Variants in MACF1 observed in about 807,000 individuals in gnomAD.
MACF1 encodes microtubule actin crosslinking factor 1.
Under a neutral mutation model 854.8 loss-of-function variants are expected in MACF1, and 193 were observed. That is an observed-to-expected ratio of 0.23 (90% CI 0.20 to 0.25). The LOEUF (loss-of-function observed/expected upper bound fraction) is 0.25. Among genes scored for constraint, MACF1 ranks in the 10% least tolerant of loss-of-function variants. The pLI, the probability that MACF1 is intolerant of heterozygous loss-of-function variation, is 1.00. For synonymous variants in MACF1, 3,185 were observed against 3,226.7 expected, an observed-to-expected ratio of 0.99 and a Z score of 0.44; for missense variants, 7,722 against 8,929.1, an observed-to-expected ratio of 0.86 and a Z score of 5.45.
At chr1:39,399,127 C>A (rs2148589376) in intron 58 of MACF1, among the ~76,000 whole-genome samples, 1 of 152,254 alleles carries the variant, frequency 6.6e-6, no homozygotes, top group Non-Finnish European at 1.5e-5. Context: ...ATTCACAGTT[C>A]TTTCTGTAAG....
chr1:39,391,546 CA>C (rs201828886), intron 58 of MACF1, among the ~76,000 whole-genome samples: 2,234 of 152,236 alleles, frequency 0.015, 38 homozygotes, highest in African/African-American at 0.051. Context: ...TTCTAATCTT[CA>C]CTGAGCTAGA....
rs553195151 is a variant in MACF1, at chr1:39,103,230, C to T, written c.220+18792C>T. 4.6e-5 allele frequency: 16 copies of T among 344,794 alleles called. 1 individual carries two copies. Among genetic ancestry groups the T allele is most frequent in the South Asian group, 3.7e-4 (16 of 42,704 alleles). 21.4% of individuals were successfully genotyped at this position (344,794 alleles called of 1,614,324 possible). A position where few individuals can be genotyped will look rare whatever the true frequency, so the allele number is the denominator to read the frequency against. ...ACAGCGGACTCTTCCCCTTTTTGCC[C>T]CTGTTCTTTCTTCACCTTTGGCAAG... On this transcript the variant is annotated intron_variant, in intron 2 of 93. Transcript: ENST00000361689.
intron 2 of MACF1, among the ~76,000 whole-genome samples, chr1:39,180,089 C>T (rs950636909): frequency 2.0e-5 from 3 of 151,930 alleles, no homozygotes; most frequent in African/African-American, 4.8e-5. Context: ...GCTTGGAGGG[C>T]TTTTAGACCC....
At chr1:39,421,839 C>T (rs1643547810) in intron 58 of MACF1, among the ~76,000 whole-genome samples, 1 of 152,162 alleles carries the variant, frequency 6.6e-6, no homozygotes, top group South Asian at 2.1e-4. Context: ...CTTTGGGAGG[C>T]CGAGGAGGGC....
chr1:39,310,395 C>G lies in MACF1; in HGVS notation c.3067C>G (p.Arg1023Gly), dbSNP rs199616867. Residue 1023 changes from arginine (R) to glycine (G), a missense_variant, in exon 25 of 101, where the codon CGC (arginine) becomes GGC (glycine). Physicochemically the swap from Arg to Gly is moderately radical, Grantham distance 125. Around this residue, in one of 15 missense-constraint regions of MACF1, gnomAD observed 1,137 missense variants for 1,263.0 expected, o/e 0.90. Transcript: ENST00000564288. ...LEEEVEACKA[R>G]FQHLMKSMEN... ...AGAGGAGGTGGAAGCTTGTAAAGCC[C>G]GCTTCCAGCACCTGATGAAGTCCAT... 1 of 1,613,986 alleles carries G rather than the reference C, an allele frequency of 6.2e-7. No individual in the cohort carries two copies. Among genetic ancestry groups the G allele is most frequent in the Non-Finnish European group, 8.5e-7 (1 of 1,179,966 alleles).
chr1:39,452,926 C>T, intron 87 of MACF1, 114 bp downstream of exon 87: 2 of 1,305,182 alleles, frequency 1.5e-6, no homozygotes, highest in Non-Finnish European at 2.1e-6. Flanking sequence ...TGAAAAGGAA[C>T]AAAACCAGAG....
chr1:39,141,454 T>G (rs947875458), intron 2 of MACF1, among the ~76,000 whole-genome samples: 8 of 152,236 alleles, frequency 5.3e-5, no homozygotes, highest in African/African-American at 9.6e-5. Flanking sequence ...CTGCTGAGGT[T>G]TGAATCTCAG....
chr1:39,160,382 C>T (rs1571116192), intron 2 of MACF1, among the ~76,000 whole-genome samples: 1 of 152,120 alleles, frequency 6.6e-6, no homozygotes, highest in East Asian at 1.9e-4. Context: ...GTAAATGCAC[C>T]TTCCTCTCTG....
chr1:39,110,057 G>T (rs1038911471), intron 2 of MACF1, among the ~76,000 whole-genome samples: 4 of 151,698 alleles, frequency 2.6e-5, no homozygotes, highest in African/African-American at 9.7e-5. Flanking sequence ...AAAAATACAA[G>T]AAATAAATAC....
rs751273111 is a variant in MACF1, at chr1:39,378,486, C to T, written c.13239C>T (p.Ser4413=). ...KTGSILPSVG[S]SVGSVNGYHT... ...GTTCCATACTGCCCTCTGTAGGAAG[C>T]TCTGTAGGCAGTGTAAACGGATACC... is the stretch of plus-strand genomic sequence containing the variant. Residue 4413 remains serine, a synonymous_variant, in exon 53 of 101, where the codon AGC becomes AGT. Transcript: ENST00000564288. 6 of 1,614,064 alleles carry T rather than the reference C, an allele frequency of 3.7e-6. No individual in the cohort carries two copies. The highest frequency in any genetic ancestry group is 5.1e-6 in the Non-Finnish European group (6 of 1,179,914).
chr1:39,113,570 C>A (rs1642467142), intron 2 of MACF1, among the ~76,000 whole-genome samples: 1 of 152,198 alleles, frequency 6.6e-6, no homozygotes, highest in Non-Finnish European at 1.5e-5. Context: ...CTACTCAAAT[C>A]ATCCCTGATA....
chr1:39,404,980 A>G (rs527817918), intron 58 of MACF1, among the ~76,000 whole-genome samples: 23 of 152,224 alleles, frequency 1.5e-4, no homozygotes, highest in African/African-American at 4.8e-4. Context: ...TTTTGTCATC[A>G]CCATGGTTTT....
At chr1:39,116,259 T>C (rs7550056) in intron 2 of MACF1, among the ~76,000 whole-genome samples, 72,767 of 151,994 alleles carry the variant, frequency 0.48, 17,960 homozygotes, top group East Asian at 0.67. Flanking sequence ...ATGCAGGTGA[T>C]TAAGTTGGTT....
intron 24 of MACF1, 24 bp from the exon 25 acceptor site, chr1:39,310,221 T>C (rs750628045): frequency 3.2e-5 from 50 of 1,580,658 alleles, no homozygotes; most frequent in Middle Eastern, 1.7e-4. Context: ...TCTGTTGCAA[T>C]TTCTTCTGGC....
intron 2 of MACF1, among the ~76,000 whole-genome samples, chr1:39,190,303 C>T (rs926784644): frequency 6.0e-5 from 9 of 151,194 alleles, no homozygotes; most frequent in Non-Finnish European, 1.0e-4. Context: ...TTTTCCTCCC[C>T]TCCCCGCCCC....
chr1:39,472,058 T>C (rs1644788568), intron 97 of MACF1, among the ~76,000 whole-genome samples: 1 of 152,136 alleles, frequency 6.6e-6, no homozygotes, highest in South Asian at 2.1e-4. Context: ...GACAGCCTCT[T>C]TGGTGGTCAA....
chr1:39,131,094 C>T lies in MACF1; in HGVS notation c.220+46656C>T, dbSNP rs1324443872. 2.6e-5 allele frequency among the ~76,000 whole-genome samples: 4 copies of T among 151,232 alleles called. No homozygotes were observed. In the East Asian group the frequency reaches 7.7e-4, roughly 29 times the overall value. On this transcript the variant is annotated intron_variant, in intron 2 of 93. Coordinates refer to the MACF1 transcript ENST00000361689. ...CTCTAACTCCTGACCTCAGGTGAAC[C>T]ACCCACCTCAGCCTCCCAAAGTGCT...
chr1:39,468,508 T>C, intron 95 of MACF1, 107 bp from the exon 96 acceptor site: 1 of 835,964 alleles, frequency 1.2e-6, no homozygotes, highest in Non-Finnish European at 1.9e-6. Context: ...ACAATTCTTC[T>C]GTAGCTATCA....
chr1:39,140,424 C>G (rs530068834), intron 2 of MACF1, among the ~76,000 whole-genome samples: 2 of 152,322 alleles, frequency 1.3e-5, no homozygotes, highest in South Asian at 2.1e-4. Context: ...TTCTTTGTCT[C>G]TGACATCCCA....
Sources: allele counts gnomAD v4.1 joint callset (sites outside exome capture counted in the v4.1 genomes callset), GRCh38; gene constraint gnomAD v4.1.1; regional missense constraint gnomAD v4.1.1; transcripts MANE v1.5; gene names NCBI Gene and HGNC (gene_info 2026-07-23, HGNC 2026-07-21).